Variants in APPBP2 observed in about 807,000 individuals in gnomAD.
The protein encoded by APPBP2 is amyloid beta precursor protein binding protein 2.
A neutral mutation model predicts 76.0 loss-of-function variants in APPBP2; 15 were observed. The ratio of observed to expected loss-of-function variants is 0.20; its 90% CI spans 0.13 to 0.30. The LOEUF is 0.30. APPBP2 is among the 10% of genes least tolerant of loss of function. The probability of loss-of-function intolerance (pLI) is 1.00; values close to 1 mark genes in which losing one functional copy is unlikely to be tolerated. For synonymous variants in APPBP2, 222 were observed against 242.2 expected (o/e 0.92, Z 0.77); for missense variants, 401 against 687.2 (o/e 0.58, Z 4.66).
intron 12 of APPBP2, among the ~76,000 whole-genome samples, chr17:60,449,499 G>A (rs1280378404): frequency 6.6e-6 from 1 of 152,162 alleles, no homozygotes; most frequent in Admixed American, 6.5e-5. Context: ...GGGAAACTGA[G>A]GCAGGAGAAT....
chr17:60,487,951 G>A (rs537779360), intron 3 of APPBP2, among the ~76,000 whole-genome samples: 1 of 152,296 alleles, frequency 6.6e-6, no homozygotes, highest in South Asian at 2.1e-4. Context: ...TAACAGTCAG[G>A]TCCCTCAGCT....
At chr17:60,512,706 G>A (rs559367074) in intron 1 of APPBP2, among the ~76,000 whole-genome samples, 5 of 151,364 alleles carry the variant, frequency 3.3e-5, no homozygotes, top group South Asian at 4.2e-4. Flanking sequence ...GTGATGGCAC[G>A]CACCTGTAGT....
intron 4 of APPBP2, among the ~76,000 whole-genome samples, chr17:60,475,727 A>G (rs1260010635): frequency 4.0e-5 from 6 of 151,666 alleles, no homozygotes; most frequent in Admixed American, 4.0e-4. Flanking sequence ...GTAGTTCAAG[A>G]AGTTCTTTTT....
At chr17:60,493,860 C>T (rs771246636) in intron 3 of APPBP2, among the ~76,000 whole-genome samples, 10 of 152,138 alleles carry the variant, frequency 6.6e-5, no homozygotes, top group Non-Finnish European at 1.0e-4. Context: ...AGGCTGGTCT[C>T]GAACTACTGA....
At position 60,526,218 on chromosome 17, in the gene APPBP2, T is replaced by C. The variant is rs2091054721; in HGVS notation, c.-287A>G. 2 of 349,016 alleles carry C rather than the reference T, an allele frequency of 5.7e-6. No individual in the cohort carries two copies. 21.6% of individuals were successfully genotyped at this position (349,016 alleles called of 1,614,324 possible). A position where few individuals can be genotyped will look rare whatever the true frequency, so the allele number is the denominator to read the frequency against. On this transcript the variant is annotated 5_prime_UTR_variant, in exon 1 of 13. Coordinates refer to ENST00000083182, the MANE Select transcript of APPBP2 (RefSeq NM_006380.5). ...CCCGGGTTCCGTCCCAGCGCTGATCTCTGCAGGGGCGGGGCTGCGTGTGCG... is the reference window on the plus strand; with the variant it reads ...CCCGGGTTCCGTCCCAGCGCTGATCCCTGCAGGGGCGGGGCTGCGTGTGCG...
chr17:60,465,022 G>A (rs1344897991), intron 5 of APPBP2: 4 of 152,124 alleles, frequency 2.6e-5, no homozygotes, highest in Admixed American at 2.6e-4. Flanking sequence ...GTGAGACGCT[G>A]TCTCAAACAA....
intron 8 of APPBP2, 33 bp downstream of exon 8, chr17:60,461,777 G>C (rs761142979): frequency 1.3e-6 from 2 of 1,504,524 alleles, no homozygotes; most frequent in African/African-American, 1.4e-5. Flanking sequence ...GTCAATACAG[G>C]TTGAAAGAAA....
intron 1 of APPBP2, among the ~76,000 whole-genome samples, chr17:60,504,872 A>C (rs897759557): frequency 1.3e-5 from 2 of 152,106 alleles, no homozygotes; most frequent in Non-Finnish European, 2.9e-5. Context: ...GCATGCACAC[A>C]CTCACACATA....
At chr17:60,505,320 A>T (rs1244675564) in intron 1 of APPBP2, among the ~76,000 whole-genome samples, 1 of 152,160 alleles carries the variant, frequency 6.6e-6, no homozygotes, top group Non-Finnish European at 1.5e-5. Context: ...CATAATCCAA[A>T]ATCTTTTCTT....
In APPBP2 at chr17:60,444,770, C is replaced by A; in HGVS notation, c.*2811G>T. 1 of 152,466 alleles carries A rather than the reference C, an allele frequency of 6.6e-6. No individual in the cohort carries two copies. The highest frequency in any genetic ancestry group is 1.9e-4 in the East Asian group (1 of 5,188). The allele number at this position is 152,466 out of a possible 1,614,324, so 9.4% of individuals were successfully genotyped here. ...CCTGAGCGACACATGCGAGTGCTGA[C>A]GGAGCTCCCTGATGCACCCAACTGG... On this transcript the variant is annotated 3_prime_UTR_variant, in exon 13 of 13. Transcript: ENST00000083182.
intron 8 of APPBP2, 43 bp from the exon 9 acceptor site, chr17:60,460,830 C>T (rs779209077): frequency 1.3e-5 from 20 of 1,579,912 alleles, no homozygotes; most frequent in African/African-American, 4.1e-5. Flanking sequence ...GTAGAAAATA[C>T]CACCTAGTTA....
intron 6 of APPBP2, 129 bp from the exon 7 acceptor site, chr17:60,462,190 C>T (rs952016467): frequency 7.0e-6 from 5 of 710,204 alleles, no homozygotes; most frequent in Non-Finnish European, 9.7e-6. Context: ...TACAAAGGTT[C>T]TATTTGTAAT....
intron 1 of APPBP2, among the ~76,000 whole-genome samples, chr17:60,506,143 A>G (rs1184339031): frequency 6.6e-6 from 1 of 151,678 alleles, no homozygotes; most frequent in East Asian, 1.9e-4. Flanking sequence ...GGCATGCACA[A>G]CCATGCCTGG....
At chr17:60,457,011 G>A (rs1483265511) in intron 9 of APPBP2, among the ~76,000 whole-genome samples, 2 of 151,718 alleles carry the variant, frequency 1.3e-5, no homozygotes, top group Non-Finnish European at 1.5e-5. Flanking sequence ...GGTGGTGAAC[G>A]CCTGTAATCC....
chr17:60,490,795 T>C (rs1598362539), intron 3 of APPBP2, among the ~76,000 whole-genome samples: 2 of 152,196 alleles, frequency 1.3e-5, no homozygotes, highest in East Asian at 3.9e-4. Flanking sequence ...TTATAAGGGG[T>C]TTCCCCTTTC....
intron 2 of APPBP2, among the ~76,000 whole-genome samples, chr17:60,498,554 A>G (rs944439106): frequency 3.9e-5 from 6 of 152,200 alleles, no homozygotes; most frequent in African/African-American, 1.4e-4. Flanking sequence ...AATAGAATGA[A>G]TAATACTGTA....
rs558216743 is a variant in APPBP2 at position 60,478,019 on chromosome 17, A to T, written c.503+1129T>A. ...ATATATTTAAAAAAAAACCCAAAAC[A>T]AAAATACAATGGTTTTATAGGAGAA... On this transcript the variant is annotated intron_variant, in intron 4 of 12. Transcript: ENST00000083182. Among the ~76,000 whole-genome samples the T allele has an allele frequency of 4.5e-4, 68 of 152,102 alleles. No individual in the cohort carries two copies. In the South Asian group the frequency reaches 0.014, roughly 32 times the overall value.
Position 60,501,961 on chromosome 17 carries a change from T to G in APPBP2, c.139-1474A>C, listed in dbSNP as rs188128455. Reference sequence around the variant, plus strand: ...AGAGGGGACAGGGACCACCACATGCTCACGAAGGAAAGGCAGAAATGTTAT... The same window carrying G: ...AGAGGGGACAGGGACCACCACATGCGCACGAAGGAAAGGCAGAAATGTTAT... On this transcript the variant is annotated intron_variant, in intron 1 of 12. Transcript: ENST00000083182. 3.9e-4 allele frequency among the ~76,000 whole-genome samples: 60 copies of G among 152,308 alleles called. 1 individual carries two copies. The East Asian group carries it at 0.01, about 26-fold the overall frequency.
chr17:60,462,520 G>A (rs533761824), intron 6 of APPBP2: 1 of 157,358 alleles, frequency 6.4e-6, no homozygotes, highest in Admixed American at 6.3e-5. Context: ...AAGAGACAAG[G>A]TTTTATGTTG....
Sources: allele counts gnomAD v4.1 joint callset (sites outside exome capture counted in the v4.1 genomes callset), GRCh38; gene constraint gnomAD v4.1.1; transcripts MANE v1.5; gene names NCBI Gene and HGNC (gene_info 2026-07-23, HGNC 2026-07-21).